DNAH14: variants seen among roughly 807,000 people sequenced by gnomAD.
DNAH14 encodes axonemal beta dynein heavy chain 14.
In DNAH14, 478 loss-of-function variants were observed where a neutral mutation model predicts 520.9. That is an observed-to-expected ratio of 0.92 (90% confidence interval 0.85 to 0.99). DNAH14 has a LOEUF of 0.99. Ranked by LOEUF, DNAH14 falls within the 50% of genes least tolerant of loss-of-function variation. The probability of loss-of-function intolerance (pLI) is 0.00; values close to 1 mark genes in which losing one functional copy is unlikely to be tolerated. For synonymous variants in DNAH14, 1,581 were observed against 1,757.2 expected (o/e 0.90, Z 2.51); for missense variants, 4,831 against 5,234.5 (o/e 0.92, Z 2.38).
At chr1:225,171,603 G>A (rs944194715) in intron 36 of DNAH14, among the ~76,000 whole-genome samples, 18 of 152,056 alleles carry the variant, frequency 1.2e-4, no homozygotes, top group African/African-American at 3.9e-4. Context: ...ACCAATAACA[G>A]GCTCTGAAAT....
At chr1:225,331,332 G>A (rs2094793193) in intron 64 of DNAH14, 105 bp from the exon 65 acceptor site, 1 of 1,135,524 alleles carries the variant, frequency 8.8e-7, no homozygotes, top group Non-Finnish European at 1.2e-6. Context: ...TTTCCAGGAT[G>A]TGAAAATGAA....
intron 8 of DNAH14, among the ~76,000 whole-genome samples, chr1:224,982,539 G>A (rs753048363): frequency 1.3e-5 from 2 of 152,082 alleles, no homozygotes; most frequent in East Asian, 3.9e-4. Flanking sequence ...GACCTTAGAC[G>A]GTCTGTTTGT....
intron 23 of DNAH14, among the ~76,000 whole-genome samples, chr1:225,108,368 A>G (rs1051357151): frequency 6.6e-6 from 1 of 152,056 alleles, no homozygotes; most frequent in African/African-American, 2.4e-5. Context: ...CTATTGTGGG[A>G]CTTCACCTTG....
At chr1:224,966,561 A>G (rs916052147) in intron 5 of DNAH14, among the ~76,000 whole-genome samples, 7 of 152,172 alleles carry the variant, frequency 4.6e-5, no homozygotes, top group African/African-American at 1.7e-4. Context: ...CAAGTGTGGG[A>G]GAGGCATTAT....
Position 225,346,197 on chromosome 1 carries a change from TG to T in DNAH14, c.10915del (p.Val3639PhefsTer4). 10 of 1,551,616 alleles carry T rather than the reference TG, an allele frequency of 6.4e-6. No homozygotes were observed. The highest frequency in any genetic ancestry group is 8.7e-6 in the Non-Finnish European group (10 of 1,146,952). ...CCCTAGACTGGTTTCATCAGGTTTT[TG>T]TTTCATCAGTAGTTTCCAAAAGCAA... ...FSLDWFHQVFVSSVVSKSKEQ... is the reference protein window; with the variant it reads ...FSLDWFHQVFXSSVVSKSKEQ... On this transcript the variant is annotated frameshift_variant, in exon 70 of 86. Coordinates refer to ENST00000682510, the MANE Select transcript of DNAH14 (RefSeq NM_001367479.1). LOFTEE classifies it high-confidence loss of function.
At position 225,380,226 on chromosome 1, in the gene DNAH14, A is replaced by G; in HGVS notation, c.12784A>G (p.Thr4262Ala). The change falls in exon 80 of 86, where the codon ACA (threonine) becomes GCA (alanine). Residue 4262 changes from threonine (T) to alanine (A), a missense_variant. By Grantham distance (58) the Thr-to-Ala change is moderately conservative. Transcript: ENST00000682510. The stretch of plus-strand genomic sequence containing the variant: ...CGACTTGCTAAAGCGGCTGCCACTG[A>G]CAGTGGAGAAAGAAGAAATTGCTGT... ...LSDLLKRLPL[T>A]VEKEEIAVGT... 1 of 1,551,668 alleles carries G rather than the reference A, an allele frequency of 6.4e-7. No individual in the cohort carries two copies. Among genetic ancestry groups the G allele is most frequent in the East Asian group, 2.4e-5 (1 of 40,914 alleles).
intron 22 of DNAH14, among the ~76,000 whole-genome samples, chr1:225,098,211 A>T (rs2075159800): frequency 6.6e-6 from 1 of 152,118 alleles, no homozygotes; most frequent in South Asian, 2.1e-4. Flanking sequence ...AGAAAAAAAA[A>T]AAACCAATTT....
intron 41 of DNAH14, among the ~76,000 whole-genome samples, chr1:225,226,916 G>T (rs12568753): frequency 0.11 from 16,933 of 152,178 alleles, 1,470 homozygotes; most frequent in East Asian, 0.23. Flanking sequence ...GCTGTGACTT[G>T]ATGTGCATGT....
chr1:224,973,631 A>AT, intron 7 of DNAH14, among the ~76,000 whole-genome samples: 1 of 152,238 alleles, frequency 6.6e-6, no homozygotes, highest in African/African-American at 2.4e-5. Context: ...TTACAAGTGC[A>AT]TTTTTTACAT....
At chr1:225,185,099 CA>C (rs2084528856) in intron 36 of DNAH14, among the ~76,000 whole-genome samples, 191 bp from the exon 37 acceptor site, 1 of 150,452 alleles carries the variant, frequency 6.6e-6, no homozygotes, top group South Asian at 2.1e-4. Flanking sequence ...TTTCAGGACA[CA>C]AAATCAATGT....
intron 22 of DNAH14, among the ~76,000 whole-genome samples, chr1:225,097,997 C>T (rs1337872815): frequency 1.3e-5 from 2 of 152,100 alleles, no homozygotes; most frequent in Admixed American, 1.3e-4. Flanking sequence ...TTGAGGCCAT[C>T]TTGGGCAACA....
chr1:225,182,419 G>A (rs2149298607), intron 36 of DNAH14, among the ~76,000 whole-genome samples: 1 of 152,238 alleles, frequency 6.6e-6, no homozygotes, highest in Middle Eastern at 3.4e-3. Flanking sequence ...GGTAGAGCAA[G>A]ATGGTGGAAT....
intron 60 of DNAH14, among the ~76,000 whole-genome samples, chr1:225,315,385 T>C (rs999423966): frequency 2.0e-5 from 3 of 152,034 alleles, no homozygotes; most frequent in Non-Finnish European, 2.9e-5. Flanking sequence ...GGTTAGAACA[T>C]GCTCCTTTAG....
At chr1:225,124,300 T>C (rs553026461) in intron 27 of DNAH14, among the ~76,000 whole-genome samples, 11 of 152,312 alleles carry the variant, frequency 7.2e-5, no homozygotes, top group African/African-American at 2.4e-4. Context: ...CCACATGGCT[T>C]GACTCTTCCT....
chr1:225,309,537 T>C (rs201657449), intron 60 of DNAH14, among the ~76,000 whole-genome samples: 1 of 152,120 alleles, frequency 6.6e-6, no homozygotes, highest in East Asian at 1.9e-4. Context: ...CCTATCTCAC[T>C]GAGTGACCCA....
At chr1:225,234,929 C>T (rs998197135) in intron 42 of DNAH14, among the ~76,000 whole-genome samples, 1 of 152,150 alleles carries the variant, frequency 6.6e-6, no homozygotes, top group Non-Finnish European at 1.5e-5. Flanking sequence ...TACTTATCAA[C>T]TTAAGAAGCT....
At chr1:225,149,821 A>G (rs578228631) in intron 31 of DNAH14, among the ~76,000 whole-genome samples, 2 of 150,548 alleles carry the variant, frequency 1.3e-5, no homozygotes, top group East Asian at 4.1e-4. Context: ...GGGTTTTTCT[A>G]GATATAGAAT....
chr1:225,113,347 G>A (rs1162150405), intron 23 of DNAH14, among the ~76,000 whole-genome samples: 1 of 152,150 alleles, frequency 6.6e-6, no homozygotes, highest in Non-Finnish European at 1.5e-5. Flanking sequence ...GTCATTCTCT[G>A]TGTGCTGAGC....
At chr1:225,260,368 T>G (rs2092893254) in intron 46 of DNAH14, among the ~76,000 whole-genome samples, 1 of 146,370 alleles carries the variant, frequency 6.8e-6, no homozygotes, top group Non-Finnish European at 1.5e-5. Context: ...AAAAAAAAAA[T>G]CCATTCAGCC....
Sources: allele counts gnomAD v4.1 joint callset (sites outside exome capture counted in the v4.1 genomes callset), GRCh38; gene constraint gnomAD v4.1.1; transcripts MANE v1.5; gene names NCBI Gene and HGNC (gene_info 2026-07-23, HGNC 2026-07-21).